The following OLFM1 variants were observed in gnomAD, a reference collection of about 807,000 sequenced individuals.
The protein encoded by OLFM1 is noelin.
Under a neutral mutation model 49.7 loss-of-function variants are expected in OLFM1, and 9 were observed. The ratio of observed to expected loss-of-function variants is 0.18; its 90% CI spans 0.11 to 0.32. The LOEUF is 0.32. OLFM1 is among the 10% of genes least tolerant of loss of function. The pLI is 1.00. For missense variants in OLFM1, 369 were observed against 661.8 expected, an observed-to-expected ratio of 0.56 and a Z score of 4.85; for synonymous variants, 240 against 271.8, an observed-to-expected ratio of 0.88 and a Z score of 1.15.
chr9:135,098,781 G>A lies in OLFM1; in HGVS notation c.676+276G>A, dbSNP rs1225913311. 6.6e-6 allele frequency among the ~76,000 whole-genome samples: 1 copy of A among 151,662 alleles called. No individual in the cohort carries two copies. Among genetic ancestry groups the A allele is most frequent in the Non-Finnish European group, 1.5e-5 (1 of 67,818 alleles). ...AAAATAGCATACCATCTGGCAGATT[G>A]TGTGTGTGTGTGTGAATCGTATGTG... On this transcript the variant is annotated intron_variant, in intron 4 of 5. Coordinates refer to ENST00000371793, the MANE Select transcript of OLFM1 (RefSeq NM_001282611.2). The surrounding 1 kb of genome is among the most constrained non-coding windows in gnomAD (Gnocchi z 5.6).
At chr9:135,085,935 C>T (rs931998087), upstream of OLFM1, among the ~76,000 whole-genome samples, 5 of 152,220 alleles carry the variant, frequency 3.3e-5, no homozygotes, top group Admixed American at 2.6e-4. Flanking sequence ...TTAGAGCAGT[C>T]CAAGTGCAGG....
Position 135,106,701 on chromosome 9 carries a change from G to T in OLFM1, c.677-48G>T, listed in dbSNP as rs60827702. ...AGTCGAGGTCAGGGTCATCACCGCG[G>T]GCCGGGGCCCCCGCCCTCCCTCTCC... is the stretch of plus-strand genomic sequence containing the variant. On this transcript the variant is annotated intron_variant, in intron 4 of 5. Coordinates refer to ENST00000371793, the MANE Select transcript of OLFM1 (RefSeq NM_001282611.2). 1,076 of 1,519,058 alleles carry T rather than the reference G, an allele frequency of 7.1e-4. 23 individuals carry two copies. The East Asian group carries it at 0.024, about 34-fold the overall frequency. The allele number at this position is 1,519,058 out of a possible 1,614,324, so 94.1% of individuals were successfully genotyped here. A position where few individuals can be genotyped will look rare whatever the true frequency, so the allele number is the denominator to read the frequency against.
intron 4 of OLFM1, among the ~76,000 whole-genome samples, chr9:135,102,644 G>A (rs1163160519): frequency 6.6e-6 from 1 of 152,182 alleles, no homozygotes; most frequent in Non-Finnish European, 1.5e-5. Flanking sequence ...GAGGCCTGGC[G>A]GGGATGCAGC....
At chr9:135,093,759 C>T (rs1169285822) in intron 2 of OLFM1, among the ~76,000 whole-genome samples, 1 of 152,134 alleles carries the variant, frequency 6.6e-6, no homozygotes, top group Non-Finnish European at 1.5e-5. Context: ...GGAATGCCTT[C>T]CCTAGGGTTG....
At position 135,120,119 on chromosome 9, in the gene OLFM1, G is replaced by A. The variant is rs774962345; in HGVS notation, c.1399G>A (p.Gly467Ser). ...KDRALYAWNNGHQILYNVTLF... is the reference protein window; with the variant it reads ...KDRALYAWNNSHQILYNVTLF... ...CCGGGCCCTGTATGCCTGGAACAAC[G>A]GCCACCAGATCCTCTACAACGTGAC... The change falls in exon 6 of 6, where the codon GGC becomes AGC. Residue 467 changes from glycine to serine, a missense_variant. By Grantham distance (56) the Gly-to-Ser change is moderately conservative. Transcript: ENST00000371793. The A allele has an allele frequency of 3.1e-6, 5 of 1,613,962 alleles. No homozygotes were observed. Among genetic ancestry groups the A allele is most frequent in the African/African-American group, 1.3e-5 (1 of 75,000 alleles).
intron 2 of OLFM1, among the ~76,000 whole-genome samples, chr9:135,091,549 ACACACT>A: frequency 1.6e-5 from 2 of 124,076 alleles, no homozygotes; most frequent in Admixed American, 7.4e-5. Context: ...TCACATAGTC[ACACACT>A]CATAGTCACA....
rs1199184535 is a variant in OLFM1, at chr9:135,088,337, G to A, written c.150+198G>A. On this transcript the variant is annotated intron_variant, in intron 1 of 5. Coordinates refer to ENST00000371793, the MANE Select transcript of OLFM1 (RefSeq NM_001282611.2). This position sits in a 1 kb window ranked among gnomAD's most constrained non-coding sequence, Gnocchi z 4.8. ...ACCCTGCTCCCCGCTCCCCCAGCCT[G>A]GGCCACTCCATCTCCGCCCGCGCGC... Among the ~76,000 whole-genome samples, 1 of 151,936 alleles carries A rather than the reference G, an allele frequency of 6.6e-6. No individual in the cohort carries two copies. Among genetic ancestry groups the A allele is most frequent in the Admixed American group, 6.5e-5 (1 of 15,268 alleles).
At chr9:135,114,595 C>T (rs933466893) in intron 5 of OLFM1, among the ~76,000 whole-genome samples, 1 of 145,424 alleles carries the variant, frequency 6.9e-6, no homozygotes, top group Non-Finnish European at 1.5e-5. Flanking sequence ...TGGCCTGGGG[C>T]AGGGATGGGG....
intron 2 of OLFM1, chr9:135,095,034 C>G (rs1588210549): frequency 2.0e-5 from 3 of 152,312 alleles, no homozygotes; most frequent in Admixed American, 2.0e-4. Context: ...CACCAGTTTC[C>G]TGCAAATAAA....
At chr9:135,104,426 G>A (rs750306831) in intron 4 of OLFM1, among the ~76,000 whole-genome samples, 2 of 152,230 alleles carry the variant, frequency 1.3e-5, no homozygotes, top group Non-Finnish European at 2.9e-5. Flanking sequence ...CATGCGACCG[G>A]GATGAGTCTG....
intron 5 of OLFM1, among the ~76,000 whole-genome samples, chr9:135,109,947 G>T (rs1300283270): frequency 2.6e-5 from 4 of 152,144 alleles, no homozygotes; most frequent in South Asian, 2.1e-4. Flanking sequence ...AGCTTGGGAC[G>T]CCTTTGCAGC....
rs35408956 is a variant in OLFM1 at position 135,106,863 on chromosome 9, T to A, written c.783+8T>A. ...CCTGAAGGCGATAACCGGGTGAGTG[T>A]CCCCTTATGTCATAGGGGGTCATTT... On this transcript the variant is annotated splice_region_variant and intron_variant, in intron 5 of 5. Coordinates refer to ENST00000371793, the MANE Select transcript of OLFM1 (RefSeq NM_001282611.2). 0.11 allele frequency: 172,400 copies of A among 1,596,138 alleles called. 9,970 individuals are homozygous for A. The highest frequency in any genetic ancestry group is 0.13 in the South Asian group (11,405 of 88,986).
Position 135,119,948 on chromosome 9 carries a change from G to A in OLFM1, c.1228G>A (p.Gly410Ser), listed in dbSNP as rs762305455. 61 of 1,613,484 alleles carry A rather than the reference G, an allele frequency of 3.8e-5. No homozygotes were observed. Among genetic ancestry groups the A allele is most frequent in the Non-Finnish European group, 4.9e-5 (58 of 1,180,040 alleles). Reference sequence around the variant, plus strand: ...CGCCGGGGAGGCCTTCATCATCTGCGGCACGCTGTACGTCACCAACGGCTA... The same window carrying A: ...CGCCGGGGAGGCCTTCATCATCTGCAGCACGCTGTACGTCACCAACGGCTA... Reference protein sequence around the residue: ...RSAGEAFIICGTLYVTNGYSG... With the variant: ...RSAGEAFIICSTLYVTNGYSG... The change falls in exon 6 of 6, where the codon GGC becomes AGC. Residue 410 changes from glycine to serine, a missense_variant. Gly to Ser is a moderately conservative substitution (Grantham distance 56). This residue lies in a region of OLFM1 where 294 missense variants were observed against 567.5 expected (regional missense o/e 0.52). Coordinates refer to ENST00000371793, the MANE Select transcript of OLFM1 (RefSeq NM_001282611.2).
At chr9:135,076,704 C>A in intron 1 of OLFM1, 1 of 1,413,146 alleles carries the variant, frequency 7.1e-7, no homozygotes, top group Non-Finnish European at 9.3e-7. Flanking sequence ...GAGACTCTGG[C>A]CCTTTGGAGT....
chr9:135,085,951 CT>C (rs1830590862), upstream of OLFM1, among the ~76,000 whole-genome samples: 1 of 152,216 alleles, frequency 6.6e-6, no homozygotes, highest in East Asian at 1.9e-4. Flanking sequence ...GCAGGTTAAT[CT>C]TTTACTTCGT....
At chr9:135,099,071 G>A (rs1470218193) in intron 4 of OLFM1, among the ~76,000 whole-genome samples, 1 of 152,166 alleles carries the variant, frequency 6.6e-6, no homozygotes, top group Non-Finnish European at 1.5e-5. Context: ...CCCCAGTGTG[G>A]GGTGACCCAT....
chr9:135,107,238 T>C (rs1008345824), intron 5 of OLFM1, among the ~76,000 whole-genome samples: 1 of 152,246 alleles, frequency 6.6e-6, no homozygotes, highest in African/African-American at 2.4e-5. Context: ...TTGCATCTGC[T>C]TCAGGAAGAG....
In OLFM1 at chr9:135,094,583, G is replaced by A. The variant is rs374096146; in HGVS notation, c.301-1281G>A. Reference sequence around the variant, plus strand: ...GGTGAGAGGGAGCTGAAGCCACCCCGTCGTGTACTTTACAAACTTAAAATT... The same window carrying A: ...GGTGAGAGGGAGCTGAAGCCACCCCATCGTGTACTTTACAAACTTAAAATT... On this transcript the variant is annotated intron_variant, in intron 2 of 5. Transcript: ENST00000371793. Among the ~76,000 whole-genome samples the A allele has an allele frequency of 3.4e-3, 518 of 152,252 alleles. 2 individuals carry two copies. Among genetic ancestry groups the A allele is most frequent in the African/African-American group, 0.012 (496 of 41,544 alleles).
intron 5 of OLFM1, among the ~76,000 whole-genome samples, chr9:135,118,630 C>T (rs1831134269): frequency 6.7e-6 from 1 of 149,864 alleles, no homozygotes; most frequent in African/African-American, 2.5e-5. Flanking sequence ...GGAGTACTCA[C>T]TGGGTCTTTG....
Sources: allele counts gnomAD v4.1 joint callset (sites outside exome capture counted in the v4.1 genomes callset), GRCh38; gene constraint gnomAD v4.1.1; regional missense constraint gnomAD v4.1.1; non-coding constraint Gnocchi (gnomAD v3.1); transcripts MANE v1.5; gene names NCBI Gene and HGNC (gene_info 2026-07-23, HGNC 2026-07-21).